MAPK8IP3: variants seen among roughly 807,000 people sequenced by gnomAD.
MAPK8IP3 encodes the protein mitogen-activated protein kinase 8 interacting protein 3, also known as C-Jun-amino-terminal kinase-interacting protein 3.
Under a neutral mutation model 157.8 loss-of-function variants are expected in MAPK8IP3, and 49 were observed. That is an observed-to-expected ratio of 0.31 (90% CI 0.25 to 0.39). MAPK8IP3 has a LOEUF of 0.39. Among genes scored for constraint, MAPK8IP3 ranks in the 10% least tolerant of loss-of-function variants. The probability of loss-of-function intolerance (pLI) is 1.00; values close to 1 mark genes in which losing one functional copy is unlikely to be tolerated. For synonymous variants in MAPK8IP3, 897 were observed against 777.7 expected (o/e 1.15, Z -2.55); for missense variants, 1,478 against 1,889.4 (o/e 0.78, Z 4.04).
chr16:1,759,981 C>G lies in MAPK8IP3; in HGVS notation c.1270C>G (p.Leu424Val). Residue 424 changes from leucine (L) to valine (V), a missense_variant, in exon 11 of 32, where the codon CTG becomes GTG. By Grantham distance (32) the Leu-to-Val change is conservative (BLOSUM62 1). Around this residue, in one of 11 missense-constraint regions of MAPK8IP3, gnomAD observed 315 missense variants for 394.4 expected, o/e 0.80. Coordinates refer to ENST00000610761, the MANE Select transcript of MAPK8IP3 (RefSeq NM_001318852.2). The stretch of plus-strand genomic sequence containing the variant: ...AGGAATGGGCAAAGAAGTGGGGAAT[C>G]TGCTACTGGAAAACTCACAGCTTCT... ...FFGMGKEVGN[L>V]LLENSQLLET... 1 of 1,614,224 alleles carries G rather than the reference C, an allele frequency of 6.2e-7. No homozygotes were observed. The highest frequency in any genetic ancestry group is 8.5e-7 in the Non-Finnish European group (1 of 1,180,020).
intron 1 of MAPK8IP3, among the ~76,000 whole-genome samples, chr16:1,719,602 A>AG (rs1374925608): frequency 7.6e-6 from 1 of 131,180 alleles, no homozygotes; most frequent in Admixed American, 8.9e-5. Context: ...TGGGAGGCTG[A>AG]GGGGGGATCG....
chr16:1,718,743 A>T (rs901353258), intron 1 of MAPK8IP3, among the ~76,000 whole-genome samples: 5 of 151,674 alleles, frequency 3.3e-5, no homozygotes, highest in Admixed American at 3.3e-4. Flanking sequence ...CAGTGAGCCA[A>T]GATCGCACCA....
Position 1,741,520 on chromosome 16 carries a change from C to T in MAPK8IP3, c.603-1812C>T. On this transcript the variant is annotated intron_variant, in intron 4 of 31. Transcript: ENST00000610761. This position sits in a 1 kb window ranked among gnomAD's most constrained non-coding sequence, Gnocchi z 6.9. Reference sequence around the variant, plus strand: ...GTCCCCTGTAGCATCTGGTGACAGCCAGGACCGCATCGGCTTCGGTCTAGG... The same window carrying T: ...GTCCCCTGTAGCATCTGGTGACAGCTAGGACCGCATCGGCTTCGGTCTAGG... Among the ~76,000 whole-genome samples the T allele has an allele frequency of 6.6e-6, 1 of 152,138 alleles. No individual in the cohort carries two copies. Among genetic ancestry groups the T allele is most frequent in the Non-Finnish European group, 1.5e-5 (1 of 68,014 alleles).
Position 1,737,623 on chromosome 16 carries a change from ACCAT to A in MAPK8IP3, c.603-5704_603-5701del, listed in dbSNP as rs1463353717. On this transcript the variant is annotated intron_variant, in intron 4 of 31. Transcript: ENST00000610761. ...GAGCGTGTGACCGTCCGTGTGTGTG[ACCAT>A]CCATGTGAGCATCCGTGTGACTGTC... is the stretch of plus-strand genomic sequence containing the variant. Among the ~76,000 whole-genome samples, 13 of 71,660 alleles carry A rather than the reference ACCAT, an allele frequency of 1.8e-4. 1 individual carries two copies. The highest frequency in any genetic ancestry group is 5.4e-4 in the African/African-American group (9 of 16,552). 47.0% of individuals were successfully genotyped at this position (71,660 alleles called of 152,430 possible). A position where few individuals can be genotyped will look rare whatever the true frequency, so the allele number is the denominator to read the frequency against.
intron 6 of MAPK8IP3, 143 bp downstream of exon 6, chr16:1,747,418 C>G (rs2041031435): frequency 8.0e-7 from 1 of 1,252,332 alleles, no homozygotes; most frequent in South Asian, 1.5e-5. Context: ...GGTCCAAGAT[C>G]AAGGCGCTGG....
chr16:1,727,580 C>CT (rs2038973029), intron 2 of MAPK8IP3, among the ~76,000 whole-genome samples: 1 of 151,940 alleles, frequency 6.6e-6, no homozygotes, highest in African/African-American at 2.4e-5. Context: ...GGTGCTGTGT[C>CT]TAAGTCGTGC....
Position 1,768,061 on chromosome 16 carries a change from G to A in MAPK8IP3, c.3524-8G>A, listed in dbSNP as rs760624475. ...TCCTCTTCTCCCATGCTCCTCCCAT[G>A]TCCCCAGCTGTGGTCCTGCACCGAG... On this transcript the variant is annotated splice_region_variant and splice_polypyrimidine_tract_variant and intron_variant, in intron 28 of 31. Coordinates refer to ENST00000610761, the MANE Select transcript of MAPK8IP3 (RefSeq NM_001318852.2). 2.6e-5 allele frequency: 42 copies of A among 1,612,234 alleles called. No homozygotes were observed. The South Asian group carries it at 4.5e-4, about 17-fold the overall frequency.
rs1489856436 is a variant in MAPK8IP3 at position 1,727,634 on chromosome 16, CT to C, written c.440-1503del. Among the ~76,000 whole-genome samples the C allele has an allele frequency of 3.9e-5, 6 of 152,214 alleles. No individual in the cohort carries two copies. In the South Asian group the frequency reaches 6.2e-4, roughly 16 times the overall value. Reference sequence around the variant, plus strand: ...AAGTCGTGCATGTGAGGTGCTGTATCTGAGTCACGCGTGTCAGGTGTGATGT... The same window carrying C: ...AAGTCGTGCATGTGAGGTGCTGTATCGAGTCACGCGTGTCAGGTGTGATGT... On this transcript the variant is annotated intron_variant, in intron 2 of 31. Coordinates refer to ENST00000610761, the MANE Select transcript of MAPK8IP3 (RefSeq NM_001318852.2).
At chr16:1,709,197 G>A (rs758088131) in intron 1 of MAPK8IP3, among the ~76,000 whole-genome samples, 5 of 152,158 alleles carry the variant, frequency 3.3e-5, no homozygotes, top group Non-Finnish European at 4.4e-5. Flanking sequence ...TCTTCTTGCC[G>A]GTCATTACCA....
intron 5 of MAPK8IP3, chr16:1,744,638 A>G (rs944200754): frequency 2.0e-6 from 2 of 985,518 alleles, no homozygotes; most frequent in Non-Finnish European, 2.4e-6. Flanking sequence ...GGACCTGCCC[A>G]TAGGCATCTG....
Position 1,747,187 on chromosome 16 carries a change from C to A in MAPK8IP3, c.906C>A (p.Gly302=). ...AGCCCCTGGGGGACTATGGCGTGGG[C>A]TCCAAGAACAGCAAGCGTGCCCGGG... is the stretch of plus-strand genomic sequence containing the variant. ...SLQPLGDYGV[G]SKNSKRAREK... is the part of the protein sequence containing the mutation. Residue 302 remains glycine, a synonymous_variant, in exon 6 of 32, where the codon GGC becomes GGA. Transcript: ENST00000610761. 1 of 1,613,942 alleles carries A rather than the reference C, an allele frequency of 6.2e-7. No individual in the cohort carries two copies. The highest frequency in any genetic ancestry group is 1.1e-5 in the South Asian group (1 of 91,086).
At chr16:1,760,184 A>G in intron 11 of MAPK8IP3, 169 bp downstream of exon 11, 1 of 961,794 alleles carries the variant, frequency 1.0e-6, no homozygotes, top group Non-Finnish European at 1.5e-6. Flanking sequence ...TGGTTTCTTT[A>G]CGAAGCTTGT....
At chr16:1,762,108 G>A (rs2041988296) in intron 13 of MAPK8IP3, among the ~76,000 whole-genome samples, 1 of 152,200 alleles carries the variant, frequency 6.6e-6, no homozygotes, top group African/African-American at 2.4e-5. Context: ...TCAGAATCAG[G>A]CCCTTGGGCA....
chr16:1,752,224 G>C (rs2041331977), intron 8 of MAPK8IP3: 1 of 166,450 alleles, frequency 6.0e-6, no homozygotes. Context: ...CCGTGAGGCA[G>C]TCCTTTTCTC....
chr16:1,720,895 G>A (rs993928146), intron 1 of MAPK8IP3, among the ~76,000 whole-genome samples: 6 of 152,134 alleles, frequency 3.9e-5, no homozygotes, highest in African/African-American at 7.2e-5. Context: ...TTAGCTGGGC[G>A]TGGTGGTGGG....
chr16:1,764,621 C>T (rs1298483284), intron 19 of MAPK8IP3, among the ~76,000 whole-genome samples, 162 bp downstream of exon 19: 1 of 152,212 alleles, frequency 6.6e-6, no homozygotes, highest in Non-Finnish European at 1.5e-5. Flanking sequence ...CTTCCCTCAC[C>T]AGGACTGAGC....
chr16:1,727,053 G>A (rs752062209), intron 2 of MAPK8IP3, among the ~76,000 whole-genome samples: 7 of 151,508 alleles, frequency 4.6e-5, no homozygotes, highest in Non-Finnish European at 8.8e-5. Context: ...GCTGTGTGCT[G>A]TGTATGAGTG....
intron 2 of MAPK8IP3, among the ~76,000 whole-genome samples, chr16:1,725,184 T>TATTATA (rs987832533): frequency 1.3e-5 from 2 of 148,924 alleles, no homozygotes; most frequent in African/African-American, 4.9e-5. Context: ...TTATTATTAT[T>TATTATA]ATAAGAACAG....
intron 1 of MAPK8IP3, among the ~76,000 whole-genome samples, chr16:1,711,982 C>G (rs1219392608): frequency 6.7e-6 from 1 of 149,412 alleles, no homozygotes; most frequent in African/African-American, 2.5e-5. Context: ...ACTGAGGTCC[C>G]GAGCTCCCCT....
Sources: gnomAD v4.1 joint callset for allele counts (sites outside exome capture counted in the v4.1 genomes callset) on GRCh38, gnomAD v4.1.1 for gene constraint, gnomAD v4.1.1 regional missense constraint, Gnocchi (gnomAD v3.1) non-coding constraint, MANE v1.5 for transcripts, NCBI Gene and HGNC (gene_info 2026-07-23, HGNC 2026-07-21) for gene names.